The following SLIT2 variants were observed in gnomAD, a reference collection of about 807,000 sequenced individuals.
SLIT2 encodes the protein slit guidance ligand 2, also known as slit homolog 2 protein.
Under a neutral mutation model 185.7 loss-of-function variants are expected in SLIT2, and 41 were observed. That is an observed-to-expected ratio of 0.22 (90% CI 0.17 to 0.29). SLIT2 has a LOEUF of 0.29. SLIT2 is among the 10% of genes least tolerant of loss of function. The pLI, the probability that SLIT2 is intolerant of heterozygous loss-of-function variation, is 1.00. For synonymous variants in SLIT2, 693 were observed against 680.2 expected (o/e 1.02, Z -0.29); for missense variants, 1,571 against 1,909.0 (o/e 0.82, Z 3.30).
At chr4:20,436,946 T>G (rs1729378484) in intron 4 of SLIT2, among the ~76,000 whole-genome samples, 1 of 152,164 alleles carries the variant, frequency 6.6e-6, no homozygotes, top group Admixed American at 6.5e-5. Flanking sequence ...GAATGGAAAA[T>G]GCAAACTATT....
chr4:20,311,063 T>G (rs1443761878), intron 4 of SLIT2, among the ~76,000 whole-genome samples: 1 of 152,176 alleles, frequency 6.6e-6, no homozygotes, highest in East Asian at 1.9e-4. Flanking sequence ...ATTTTTTTAA[T>G]TTTTTGTTGA....
At chr4:20,275,373 A>G (rs1714065286) in intron 4 of SLIT2, among the ~76,000 whole-genome samples, 1 of 152,142 alleles carries the variant, frequency 6.6e-6, no homozygotes, top group African/African-American at 2.4e-5. Context: ...CATACAATTT[A>G]CTTTCTGGGG....
At chr4:20,327,266 C>T (rs1719672645) in intron 4 of SLIT2, among the ~76,000 whole-genome samples, 1 of 151,964 alleles carries the variant, frequency 6.6e-6, no homozygotes, top group Admixed American at 6.6e-5. Context: ...AGAGGTCTGG[C>T]TAATTGAGAA....
intron 29 of SLIT2, among the ~76,000 whole-genome samples, chr4:20,587,265 C>T (rs947552410): frequency 2.6e-5 from 4 of 152,100 alleles, no homozygotes; most frequent in African/African-American, 2.4e-5. Flanking sequence ...GCAATCCGCC[C>T]TCCTCAGCCT....
rs1269951586 is a variant in SLIT2 at position 20,406,505 on chromosome 4, C to T, written c.396-61247C>T. On this transcript the variant is annotated intron_variant, in intron 4 of 36. Coordinates refer to ENST00000504154, the MANE Select transcript of SLIT2 (RefSeq NM_004787.4). Reference sequence around the variant, plus strand: ...GAGAGGAACCAAATTATTGAATAGGCACTCAAAATGAGAATATACAAATGG... The same window carrying T: ...GAGAGGAACCAAATTATTGAATAGGTACTCAAAATGAGAATATACAAATGG... 2.1e-5 allele frequency among the ~76,000 whole-genome samples: 3 copies of T among 143,628 alleles called. 1 individual carries two copies. The highest frequency in any genetic ancestry group is 4.7e-5 in the Non-Finnish European group (3 of 64,462). 94.2% of individuals were successfully genotyped at this position (143,628 alleles called of 152,430 possible). A position where few individuals can be genotyped will look rare whatever the true frequency, so the allele number is the denominator to read the frequency against.
chr4:20,512,932 TAGAAC>T (rs1719884833), intron 11 of SLIT2, among the ~76,000 whole-genome samples: 1 of 152,174 alleles, frequency 6.6e-6, no homozygotes, highest in African/African-American at 2.4e-5. Context: ...AAATTATAAA[TAGAAC>T]AGTTTATTAT....
intron 4 of SLIT2, among the ~76,000 whole-genome samples, chr4:20,393,011 T>C (rs1725557878): frequency 6.6e-6 from 1 of 152,070 alleles, no homozygotes; most frequent in East Asian, 1.9e-4. Context: ...AGGTGCTAGA[T>C]TTTTATATCA....
chr4:20,547,882 A>G (rs1352767825), intron 22 of SLIT2, among the ~76,000 whole-genome samples: 1 of 152,060 alleles, frequency 6.6e-6, no homozygotes, highest in African/African-American at 2.4e-5. Context: ...CTTAACATTC[A>G]TTAAACAAAT....
intron 21 of SLIT2, among the ~76,000 whole-genome samples, chr4:20,544,932 C>T (rs928169908): frequency 2.6e-5 from 4 of 151,660 alleles, no homozygotes; most frequent in Non-Finnish European, 5.9e-5. Context: ...GGAGAGGGGT[C>T]GAAGAAGAAA....
At position 20,507,382 on chromosome 4, in the gene SLIT2, A is replaced by G. The variant is rs550861480; in HGVS notation, c.915-3113A>G. The stretch of plus-strand genomic sequence containing the variant: ...GACTTTAAAATAATAAATGAATTTT[A>G]AATTTTCCAGGGAAAATCTTCAGTT... On this transcript the variant is annotated intron_variant, in intron 9 of 36. Coordinates refer to ENST00000504154, the MANE Select transcript of SLIT2 (RefSeq NM_004787.4). Among the ~76,000 whole-genome samples the G allele has an allele frequency of 2.6e-5, 4 of 152,088 alleles. No individual in the cohort carries two copies. The East Asian group carries it at 5.8e-4, about 22-fold the overall frequency.
intron 12 of SLIT2, among the ~76,000 whole-genome samples, chr4:20,522,514 G>A (rs1371505733): frequency 1.3e-5 from 2 of 152,092 alleles, no homozygotes; most frequent in African/African-American, 4.8e-5. Flanking sequence ...CCAGAGGGAG[G>A]AGTACTCTGT....
chr4:20,333,655 G>C (rs1361051827), intron 4 of SLIT2, among the ~76,000 whole-genome samples: 1 of 152,084 alleles, frequency 6.6e-6, no homozygotes, highest in African/African-American at 2.4e-5. Flanking sequence ...ACAGAACAAA[G>C]AGAAAGATGC....
intron 9 of SLIT2, among the ~76,000 whole-genome samples, chr4:20,505,089 A>G (rs990821587): frequency 1.3e-5 from 2 of 152,034 alleles, no homozygotes; most frequent in Non-Finnish European, 2.9e-5. Context: ...TATATATTCT[A>G]TTTTTGATTG....
intron 29 of SLIT2, 40 bp downstream of exon 29, chr4:20,569,044 T>A: frequency 6.4e-7 from 1 of 1,562,396 alleles, no homozygotes; most frequent in Non-Finnish European, 8.8e-7. Context: ...CATCAGTATA[T>A]CTGTTTGAAA....
In SLIT2 at chr4:20,528,465, G is replaced by C; in HGVS notation, c.1463-484G>C. 4.5e-6 allele frequency: 2 copies of C among 439,848 alleles called. No individual in the cohort carries two copies. Among genetic ancestry groups the C allele is most frequent in the Non-Finnish European group, 4.7e-6 (1 of 212,214 alleles). 27.2% of individuals were successfully genotyped at this position (439,848 alleles called of 1,614,324 possible). On this transcript the variant is annotated intron_variant, in intron 15 of 36. Coordinates refer to ENST00000504154, the MANE Select transcript of SLIT2 (RefSeq NM_004787.4). The surrounding 1 kb of genome is among the most constrained non-coding windows in gnomAD (Gnocchi z 4.2). Reference sequence around the variant, plus strand: ...CAAAATGAAAAAAGAGGGCTTTTTAGGCATCTCCGAGATTATGTGAGAGGG... The same window carrying C: ...CAAAATGAAAAAAGAGGGCTTTTTACGCATCTCCGAGATTATGTGAGAGGG...
At chr4:20,397,160 C>T (rs1442933964) in intron 4 of SLIT2, among the ~76,000 whole-genome samples, 2 of 151,634 alleles carry the variant, frequency 1.3e-5, no homozygotes, top group East Asian at 1.9e-4. Context: ...TGGGAGCCCC[C>T]AGAGTATCAC....
chr4:20,545,990 C>A, intron 21 of SLIT2, 41 bp from the exon 22 acceptor site: 2 of 1,139,446 alleles, frequency 1.8e-6, no homozygotes, highest in South Asian at 2.8e-5. Flanking sequence ...TCAAGGCCAC[C>A]ATTACTTTGT....
intron 4 of SLIT2, among the ~76,000 whole-genome samples, chr4:20,326,062 G>T (rs890652382): frequency 6.6e-6 from 1 of 151,884 alleles, no homozygotes; most frequent in Non-Finnish European, 1.5e-5. Flanking sequence ...GCTCTTTTAT[G>T]ATTTTACTCT....
At chr4:20,593,263 A>C (rs1403901699) in intron 30 of SLIT2, among the ~76,000 whole-genome samples, 1 of 152,152 alleles carries the variant, frequency 6.6e-6, no homozygotes, top group Non-Finnish European at 1.5e-5. Context: ...TCTTTAAATA[A>C]ACCTGTGAGG....
Sources: allele counts gnomAD v4.1 joint callset (sites outside exome capture counted in the v4.1 genomes callset), GRCh38; gene constraint gnomAD v4.1.1; non-coding constraint Gnocchi (gnomAD v3.1); transcripts MANE v1.5; gene names NCBI Gene and HGNC (gene_info 2026-07-23, HGNC 2026-07-21).